Variants in RHOBTB1 observed in about 807,000 individuals in gnomAD.
RHOBTB1 encodes the protein rho-related BTB domain-containing protein 1.
Under a neutral mutation model 71.6 loss-of-function variants are expected in RHOBTB1, and 40 were observed. The observed-to-expected ratio is 0.56, with a 90% CI of 0.43 to 0.73. The LOEUF is 0.73. RHOBTB1 is among the 30% of genes least tolerant of loss of function. RHOBTB1 has a pLI of 0.00. For synonymous variants in RHOBTB1, 319 were observed against 334.9 expected (o/e 0.95, Z 0.52); for missense variants, 797 against 894.0 (o/e 0.89, Z 1.38).
At chr10:60,977,568 G>A (rs2086356909) in intron 2 of RHOBTB1, among the ~76,000 whole-genome samples, 1 of 152,014 alleles carries the variant, frequency 6.6e-6, no homozygotes, top group Admixed American at 6.6e-5. Flanking sequence ...CTCACCAAAT[G>A]TAATTATAAA....
intron 1 of RHOBTB1, among the ~76,000 whole-genome samples, chr10:60,998,615 G>A (rs962078237): frequency 3.3e-5 from 5 of 152,148 alleles, no homozygotes; most frequent in African/African-American, 1.2e-4. Flanking sequence ...GAAGAAAAAC[G>A]GGAAGGAAGG....
At chr10:60,904,099 A>C (rs2133188317) in intron 4 of RHOBTB1, among the ~76,000 whole-genome samples, 1 of 152,016 alleles carries the variant, frequency 6.6e-6, no homozygotes, top group African/African-American at 2.4e-5. Flanking sequence ...AGTAGCCACA[A>C]CACCTGGCTA....
At chr10:60,956,268 A>G (rs1054863706) in intron 2 of RHOBTB1, among the ~76,000 whole-genome samples, 2 of 151,584 alleles carry the variant, frequency 1.3e-5, no homozygotes, top group African/African-American at 2.4e-5. Flanking sequence ...ATAAAAGACT[A>G]AAAAAATGGT....
intron 2 of RHOBTB1, among the ~76,000 whole-genome samples, chr10:60,969,305 G>C (rs1372075034): frequency 6.6e-6 from 1 of 152,090 alleles, no homozygotes; most frequent in Non-Finnish European, 1.5e-5. Flanking sequence ...GTGTCACTCT[G>C]ATATAGCAGC....
chr10:60,923,133 G>C (rs1176588460), intron 2 of RHOBTB1, among the ~76,000 whole-genome samples: 3 of 152,194 alleles, frequency 2.0e-5, no homozygotes, highest in African/African-American at 7.2e-5. Flanking sequence ...CTTGGCCTTT[G>C]TGAATCCTTT....
At chr10:60,987,919 C>A (rs1396955060) in intron 1 of RHOBTB1, among the ~76,000 whole-genome samples, 1 of 53,738 alleles carries the variant, frequency 1.9e-5, no homozygotes, top group Non-Finnish European at 3.3e-5. Flanking sequence ...AAATACTCAA[C>A]TTTTTTTTTT....
At chr10:60,911,021 G>GGT (rs1564920526) in intron 3 of RHOBTB1, 31 bp from the exon 4 acceptor site, 1 of 1,579,348 alleles carries the variant, frequency 6.3e-7, no homozygotes, top group Non-Finnish European at 8.7e-7. Flanking sequence ...ATCTGTGCTC[G>GGT]GTGTCAGTCA....
At chr10:60,940,923 C>T (rs1323428286) in intron 2 of RHOBTB1, among the ~76,000 whole-genome samples, 2 of 152,198 alleles carry the variant, frequency 1.3e-5, no homozygotes, top group African/African-American at 4.8e-5. Flanking sequence ...GAATGTTTAA[C>T]ATCTTGCCTT....
At chr10:60,876,078 A>G (rs1484372378) in intron 8 of RHOBTB1, among the ~76,000 whole-genome samples, 2 of 151,942 alleles carry the variant, frequency 1.3e-5, no homozygotes, top group African/African-American at 4.8e-5. Flanking sequence ...TTTGGCACAA[A>G]CCTCCTCAAC....
chr10:60,886,229 G>A lies in RHOBTB1; in HGVS notation c.1458C>T (p.Asp486=), dbSNP rs144676711. Residue 486 remains aspartate (D), a splice_region_variant and synonymous_variant, in exon 7 of 11, where the codon GAC becomes GAT. Coordinates refer to ENST00000337910, the MANE Select transcript of RHOBTB1 (RefSeq NM_014836.5). The part of the protein sequence containing the change: ...KECLSKGTFS[D]VTFKLDDGAI... ...CTCCATCGTCCAATTTAAATGTCAC[G>A]TCTGCCAAGGGATTGAGGAAACACA... 730 of 1,612,078 alleles carry A rather than the reference G, an allele frequency of 4.5e-4. 3 individuals are homozygous for A. The African/African-American group carries it at 8.6e-3, about 19-fold the overall frequency.
chr10:60,983,942 T>C (rs1194874407), intron 2 of RHOBTB1, among the ~76,000 whole-genome samples: 2 of 152,230 alleles, frequency 1.3e-5, no homozygotes, highest in African/African-American at 4.8e-5. Flanking sequence ...AGTTTGGATC[T>C]AATGAAGACG....
intron 1 of RHOBTB1, among the ~76,000 whole-genome samples, chr10:60,942,225 A>AT (rs2084937273): frequency 6.6e-6 from 1 of 152,216 alleles, no homozygotes. Context: ...TCAAAATAGC[A>AT]TTTTTAGACA....
At chr10:60,896,664 C>T (rs1042471015) in intron 4 of RHOBTB1, among the ~76,000 whole-genome samples, 6 of 152,154 alleles carry the variant, frequency 3.9e-5, no homozygotes, top group African/African-American at 1.4e-4. Context: ...GATATATGGT[C>T]TTAGTTGCTT....
At chr10:60,924,207 A>T (rs1010342850) in intron 2 of RHOBTB1, among the ~76,000 whole-genome samples, 5 of 152,058 alleles carry the variant, frequency 3.3e-5, no homozygotes, top group African/African-American at 1.2e-4. Context: ...AATGGACACA[A>T]ACCCTCTCCA....
intron 2 of RHOBTB1, among the ~76,000 whole-genome samples, chr10:60,966,031 A>G (rs2085945952): frequency 6.6e-6 from 1 of 152,190 alleles, no homozygotes; most frequent in African/African-American, 2.4e-5. Context: ...TAGGTCTGAA[A>G]AAATCAGACA....
At chr10:60,867,448 C>T (rs2080639679), downstream of RHOBTB1, among the ~76,000 whole-genome samples, 1 of 152,152 alleles carries the variant, frequency 6.6e-6, no homozygotes. Context: ...TTAGGTAGCA[C>T]CCATTTCATC....
At chr10:60,886,446 C>T (rs756475933) in intron 6 of RHOBTB1, among the ~76,000 whole-genome samples, 15 of 152,210 alleles carry the variant, frequency 9.9e-5, no homozygotes, top group African/African-American at 3.6e-4. Flanking sequence ...CATAAAGTCA[C>T]GGCACAAACT....
chr10:60,959,691 T>C (rs2085714566), intron 2 of RHOBTB1, among the ~76,000 whole-genome samples: 1 of 152,206 alleles, frequency 6.6e-6, no homozygotes, highest in African/African-American at 2.4e-5. Flanking sequence ...ACTTTCCAGT[T>C]ATGTGTACTT....
intron 2 of RHOBTB1, among the ~76,000 whole-genome samples, chr10:60,915,255 G>C (rs1027296982): frequency 2.0e-5 from 3 of 152,106 alleles, no homozygotes; most frequent in South Asian, 2.1e-4. Context: ...CATTCTGATG[G>C]TTGAGTGTAC....
Sources: gnomAD v4.1 joint callset for allele counts (sites outside exome capture counted in the v4.1 genomes callset) on GRCh38, gnomAD v4.1.1 for gene constraint, MANE v1.5 for transcripts, NCBI Gene and HGNC (gene_info 2026-07-23, HGNC 2026-07-21) for gene names.